The following PCBD2 variants were observed in gnomAD, a reference collection of about 807,000 sequenced individuals.
PCBD2 encodes the protein pterin-4-alpha-carbinolamine dehydratase 2.
PCBD2 carries 12 observed loss-of-function variants against 16.4 expected under a neutral mutation model. The observed-to-expected ratio is 0.73, with a 90% CI of 0.47 to 1.19. PCBD2 has a LOEUF of 1.19. Among genes scored for constraint, PCBD2 ranks in the 50% most tolerant of loss-of-function variants. The pLI, the probability that PCBD2 is intolerant of heterozygous loss-of-function variation, is 0.00. For synonymous variants in PCBD2, 58 were observed against 61.8 expected (o/e 0.94, Z 0.29); for missense variants, 138 against 156.8 (o/e 0.88, Z 0.64).
intron 1 of PCBD2, chr5:134,909,088 T>C (rs1471328348): frequency 6.6e-6 from 1 of 152,188 alleles, no homozygotes; most frequent in Non-Finnish European, 1.5e-5. Context: ...GGCCCTGATG[T>C]TTAAAGTTAT....
At chr5:134,925,173 GAGA>G (rs1561909303) in intron 2 of PCBD2, 2 of 398,226 alleles carry the variant, frequency 5.0e-6, no homozygotes, top group Non-Finnish European at 8.9e-6. Context: ...CTGTTAGGGT[GAGA>G]AGAATTATTC....
intron 2 of PCBD2, among the ~76,000 whole-genome samples, chr5:134,914,392 G>T (rs751991287): frequency 5.3e-5 from 8 of 152,142 alleles, no homozygotes; most frequent in Non-Finnish European, 1.2e-4. Flanking sequence ...TTGCTAAGCA[G>T]TTCTCAGTGT....
intron 1 of PCBD2, 57 bp downstream of exon 1, chr5:134,905,280 C>A (rs1452850581): frequency 8.3e-7 from 1 of 1,209,758 alleles, no homozygotes; most frequent in Non-Finnish European, 1.0e-6. Context: ...GGTGCGAGGC[C>A]CGGCGGCGTC....
intron 2 of PCBD2, among the ~76,000 whole-genome samples, chr5:134,946,448 CTG>C (rs1275231668): frequency 6.6e-6 from 1 of 152,162 alleles, no homozygotes; most frequent in Non-Finnish European, 1.5e-5. Flanking sequence ...TGAAGTTCCT[CTG>C]TGGAGTTACC....
chr5:134,917,256 G>A (rs1159147328), intron 2 of PCBD2, among the ~76,000 whole-genome samples: 1 of 152,232 alleles, frequency 6.6e-6, no homozygotes, highest in Admixed American at 6.5e-5. Flanking sequence ...GTGCCAGCAG[G>A]TGGAGCCCTC....
At chr5:134,906,131 C>T (rs1039770231) in intron 1 of PCBD2, among the ~76,000 whole-genome samples, 1 of 151,790 alleles carries the variant, frequency 6.6e-6, no homozygotes, top group African/African-American at 2.4e-5. Flanking sequence ...GCCTCGGCCT[C>T]CCAAAGTGCT....
At chr5:134,922,585 A>G (rs1446184203) in intron 2 of PCBD2, among the ~76,000 whole-genome samples, 2 of 152,112 alleles carry the variant, frequency 1.3e-5, no homozygotes, top group African/African-American at 4.8e-5. Flanking sequence ...CATACAGTAT[A>G]GTGGGGGAGG....
rs528428071 is a variant in PCBD2, at chr5:134,925,925, C to T, written c.216+15459C>T. The T allele has an allele frequency of 5.1e-5, 20 of 391,618 alleles. No homozygotes were observed. The South Asian group carries it at 9.1e-4, about 18-fold the overall frequency. The allele number at this position is 391,618 out of a possible 1,614,324, so 24.3% of individuals were successfully genotyped here. A position where few individuals can be genotyped will look rare whatever the true frequency, so the allele number is the denominator to read the frequency against. On this transcript the variant is annotated intron_variant, in intron 2 of 3. Transcript: ENST00000254908. ...GCTAGGGCAAGGATGAAACCGATGT[C>T]GCCGATACGGTTGTATAGGATTGCT...
At chr5:134,949,261 T>C (rs917742840) in intron 2 of PCBD2, among the ~76,000 whole-genome samples, 4 of 152,124 alleles carry the variant, frequency 2.6e-5, no homozygotes, top group African/African-American at 9.7e-5. Flanking sequence ...CTGAGCCTTG[T>C]AAAGGTGAAT....
rs147009595 is a variant in PCBD2 at position 134,936,024 on chromosome 5, G to A, written c.217-23016G>A. 4.0e-3 allele frequency among the ~76,000 whole-genome samples: 610 copies of A among 152,222 alleles called. 4 individuals are homozygous for A. Among genetic ancestry groups the A allele is most frequent in the African/African-American group, 0.013 (539 of 41,540 alleles). ...ATTATTATGCTGAAAATGTTGTGGT[G>A]ATAGAAAAAAGATGATTAGAAGTGA... On this transcript the variant is annotated intron_variant, in intron 2 of 3. Coordinates refer to ENST00000254908, the MANE Select transcript of PCBD2 (RefSeq NM_032151.5).
At chr5:134,918,597 G>C (rs1485263780) in intron 2 of PCBD2, among the ~76,000 whole-genome samples, 1 of 152,192 alleles carries the variant, frequency 6.6e-6, no homozygotes, top group African/African-American at 2.4e-5. Context: ...GTGAAAACTC[G>C]TATGGCTGTC....
At chr5:134,934,428 G>A (rs768387275) in intron 2 of PCBD2, among the ~76,000 whole-genome samples, 1 of 152,112 alleles carries the variant, frequency 6.6e-6, no homozygotes, top group Non-Finnish European at 1.5e-5. Context: ...GGTATGCTCC[G>A]TGGTGTCTAA....
chr5:134,944,483 A>G (rs1016892986), intron 2 of PCBD2, among the ~76,000 whole-genome samples: 2 of 152,118 alleles, frequency 1.3e-5, no homozygotes, highest in African/African-American at 4.8e-5. Context: ...AATTTGGCTC[A>G]GAGTTAAGCC....
intron 2 of PCBD2, among the ~76,000 whole-genome samples, chr5:134,955,470 G>A (rs923846422): frequency 2.0e-5 from 3 of 151,878 alleles, no homozygotes; most frequent in Non-Finnish European, 4.4e-5. Flanking sequence ...ACCATGCCCA[G>A]CCAATTTTTG....
intron 2 of PCBD2, chr5:134,924,251 T>A (rs1750953434): frequency 2.5e-6 from 1 of 395,536 alleles, no homozygotes; most frequent in African/African-American, 2.1e-5. Context: ...GTGTTATTAT[T>A]CTGAATTACG....
At chr5:134,959,391 A>G (rs1308925827) in intron 3 of PCBD2, among the ~76,000 whole-genome samples, 1 of 152,240 alleles carries the variant, frequency 6.6e-6, no homozygotes, top group Non-Finnish European at 1.5e-5. Context: ...AAACCGGAGT[A>G]TCAGCCATGC....
chr5:134,942,383 A>C (rs1467032376), intron 2 of PCBD2, among the ~76,000 whole-genome samples: 1 of 152,016 alleles, frequency 6.6e-6, no homozygotes, highest in Non-Finnish European at 1.5e-5. Context: ...GTAAAATAGG[A>C]ATGATAAACC....
At chr5:134,932,547 G>A (rs1751111051) in intron 2 of PCBD2, among the ~76,000 whole-genome samples, 1 of 152,100 alleles carries the variant, frequency 6.6e-6, no homozygotes, top group South Asian at 2.1e-4. Context: ...TCACCATGTT[G>A]GCCAGGCTGG....
chr5:134,913,159 G>A (rs1459724090), intron 2 of PCBD2, among the ~76,000 whole-genome samples: 1 of 152,132 alleles, frequency 6.6e-6, no homozygotes, highest in African/African-American at 2.4e-5. Context: ...CATTTTCTGT[G>A]TGCTAGGTGC....
Sources: gnomAD v4.1 joint callset for allele counts (sites outside exome capture counted in the v4.1 genomes callset) on GRCh38, gnomAD v4.1.1 for gene constraint, MANE v1.5 for transcripts, NCBI Gene and HGNC (gene_info 2026-07-23, HGNC 2026-07-21) for gene names.